The following GABRG1 variants were observed in gnomAD, a reference collection of about 807,000 sequenced individuals.
GABRG1 encodes the protein gamma-aminobutyric acid receptor subunit gamma-1.
In GABRG1, 49 loss-of-function variants were observed where a neutral mutation model predicts 49.8. The ratio of observed to expected loss-of-function variants is 0.98; its 90% CI spans 0.78 to 1.25. The LOEUF is 1.25. Among genes scored for constraint, GABRG1 ranks in the 50% most tolerant of loss-of-function variants. The probability of loss-of-function intolerance (pLI) is 0.00; values close to 1 mark genes in which losing one functional copy is unlikely to be tolerated. For synonymous variants in GABRG1, 232 were observed against 185.1 expected (o/e 1.25, Z -2.06); for missense variants, 552 against 552.3 (o/e 1.00, Z 0.01).
At chr4:46,116,995 G>A (rs1192740648) in intron 1 of GABRG1, among the ~76,000 whole-genome samples, 2 of 150,278 alleles carry the variant, frequency 1.3e-5, no homozygotes, top group African/African-American at 2.4e-5. Flanking sequence ...TGATCAAGAG[G>A]TGAATGATAT....
intron 1 of GABRG1, among the ~76,000 whole-genome samples, chr4:46,102,301 T>C (rs1720406030): frequency 6.6e-6 from 1 of 151,666 alleles, no homozygotes; most frequent in East Asian, 2.0e-4. Flanking sequence ...GGCTGCTTTC[T>C]GTCAATAACT....
chr4:46,095,845 G>T (rs531684796), intron 2 of GABRG1, among the ~76,000 whole-genome samples: 1 of 151,562 alleles, frequency 6.6e-6, no homozygotes, highest in Non-Finnish European at 1.5e-5. Context: ...TTTTAGGTTC[G>T]GGGTTACAAG....
chr4:46,044,445 C>G (rs1415102202), intron 8 of GABRG1, among the ~76,000 whole-genome samples: 2 of 151,850 alleles, frequency 1.3e-5, no homozygotes, highest in Non-Finnish European at 2.9e-5. Flanking sequence ...TGCACTACTG[C>G]ATTCCAGCCT....
intron 1 of GABRG1, among the ~76,000 whole-genome samples, chr4:46,120,522 C>A (rs1347498199): frequency 1.3e-5 from 2 of 151,680 alleles, no homozygotes; most frequent in East Asian, 3.9e-4. Context: ...CTTCAAAAAT[C>A]ATTTTCCTCT....
intron 8 of GABRG1, among the ~76,000 whole-genome samples, chr4:46,048,515 G>T (rs778873153): frequency 8.0e-5 from 12 of 149,966 alleles, no homozygotes; most frequent in Admixed American, 2.7e-4. Context: ...GGTACTAAAT[G>T]GTTACTCTAT....
chr4:46,051,682 C>G, intron 7 of GABRG1, 44 bp from the exon 8 acceptor site: 4 of 1,193,440 alleles, frequency 3.4e-6, no homozygotes, highest in Non-Finnish European at 4.8e-6. Context: ...ATTAATAGAC[C>G]ACATTTATTC....
intron 5 of GABRG1, among the ~76,000 whole-genome samples, chr4:46,059,294 G>A (rs2109403565): frequency 6.6e-6 from 1 of 152,198 alleles, no homozygotes; most frequent in Admixed American, 6.5e-5. Context: ...ATTACTTTAG[G>A]ATAGAGTATG....
At chr4:46,067,875 G>A (rs1718976751) in intron 3 of GABRG1, among the ~76,000 whole-genome samples, 1 of 152,056 alleles carries the variant, frequency 6.6e-6, no homozygotes, top group African/African-American at 2.4e-5. Flanking sequence ...CATTTAGGAG[G>A]TCCAAGAGAC....
At chr4:46,073,001 G>T (rs1719188639) in intron 3 of GABRG1, among the ~76,000 whole-genome samples, 1 of 151,784 alleles carries the variant, frequency 6.6e-6, no homozygotes, top group African/African-American at 2.4e-5. Flanking sequence ...TGGCAAAAGA[G>T]TAAAGAATTT....
At chr4:46,043,634 C>CTTTTTTT (rs1205430473) in intron 8 of GABRG1, among the ~76,000 whole-genome samples, 1 of 151,766 alleles carries the variant, frequency 6.6e-6, no homozygotes, top group Non-Finnish European at 1.5e-5. Context: ...AGAATAGACC[C>CTTTTTTT]TGCCTTCCCC....
At chr4:46,077,372 CAGTG>C (rs1342326775) in intron 3 of GABRG1, among the ~76,000 whole-genome samples, 3 of 151,416 alleles carry the variant, frequency 2.0e-5, no homozygotes, top group Non-Finnish European at 4.4e-5. Context: ...TACTATAAAA[CAGTG>C]AGGTTAATAA....
At chr4:46,117,236 T>C (rs1043172958) in intron 1 of GABRG1, among the ~76,000 whole-genome samples, 4 of 150,594 alleles carry the variant, frequency 2.7e-5, no homozygotes, top group African/African-American at 9.7e-5. Context: ...GCAGGGTCTA[T>C]ATTAAGTTTA....
Position 46,065,599 on chromosome 4 carries a change from G to C in GABRG1, c.322-15C>G. The C allele has an allele frequency of 8.7e-7, 1 of 1,143,218 alleles. No individual in the cohort carries two copies. Among genetic ancestry groups the C allele is most frequent in the Non-Finnish European group, 1.3e-6 (1 of 774,388 alleles). The allele number at this position is 1,143,218 out of a possible 1,614,324, so 70.8% of individuals were successfully genotyped here. A position where few individuals can be genotyped will look rare whatever the true frequency, so the allele number is the denominator to read the frequency against. ...ATTGTATATTCCTAAAATATAAGAA[G>C]AGTAACAACATATTAGTAAAGCTAC... On this transcript the variant is annotated splice_polypyrimidine_tract_variant and intron_variant, in intron 3 of 8. Coordinates refer to ENST00000295452, the MANE Select transcript of GABRG1 (RefSeq NM_173536.4).
intron 2 of GABRG1, among the ~76,000 whole-genome samples, chr4:46,085,294 G>T (rs975996767): frequency 6.6e-6 from 1 of 151,350 alleles, no homozygotes; most frequent in African/African-American, 2.4e-5. Flanking sequence ...ACATTTCTTA[G>T]CCAATTATAA....
At chr4:46,042,701 T>C (rs1448112189) in intron 8 of GABRG1, among the ~76,000 whole-genome samples, 2 of 151,962 alleles carry the variant, frequency 1.3e-5, no homozygotes, top group Non-Finnish European at 2.9e-5. Flanking sequence ...AAAAGAAACA[T>C]AGATTCCAAG....
chr4:46,060,986 C>A (rs949443398), intron 5 of GABRG1, among the ~76,000 whole-genome samples: 2 of 151,884 alleles, frequency 1.3e-5, no homozygotes, highest in Non-Finnish European at 2.9e-5. Context: ...TCTACTGGAC[C>A]CATGTAGAGT....
At chr4:46,117,064 T>A (rs549529199) in intron 1 of GABRG1, among the ~76,000 whole-genome samples, 83 of 150,778 alleles carry the variant, frequency 5.5e-4, no homozygotes, top group African/African-American at 1.9e-3. Context: ...TCTAGAAATC[T>A]GCCTAAAGAT....
chr4:46,110,305 T>C (rs924858662), intron 1 of GABRG1, among the ~76,000 whole-genome samples: 5 of 151,066 alleles, frequency 3.3e-5, no homozygotes, highest in Non-Finnish European at 5.9e-5. Flanking sequence ...TGGTTTAATG[T>C]CATTTTATCT....
intron 1 of GABRG1, among the ~76,000 whole-genome samples, chr4:46,113,616 C>G (rs1720787734): frequency 6.6e-6 from 1 of 151,052 alleles, no homozygotes; most frequent in Admixed American, 6.6e-5. Context: ...ATTATATTTG[C>G]CCATTTGGAC....
Sources: gnomAD v4.1 joint callset for allele counts (sites outside exome capture counted in the v4.1 genomes callset) on GRCh38, gnomAD v4.1.1 for gene constraint, MANE v1.5 for transcripts, NCBI Gene and HGNC (gene_info 2026-07-23, HGNC 2026-07-21) for gene names.